Variants in PSD3 observed in about 807,000 individuals in gnomAD.
PSD3 encodes pleckstrin and Sec7 domain containing 3, also known as PH and SEC7 domain-containing protein 3.
PSD3 carries 49 observed loss-of-function variants against 105.5 expected under a neutral mutation model. The observed-to-expected ratio is 0.46, with a 90% CI of 0.37 to 0.59. The LOEUF is 0.59. Among genes scored for constraint, PSD3 ranks in the 20% least tolerant of loss-of-function variants. The pLI, the probability that PSD3 is intolerant of heterozygous loss-of-function variation, is 0.00. For synonymous variants in PSD3, 557 were observed against 457.8 expected (o/e 1.22, Z -2.77); for missense variants, 1,561 against 1,263.8 (o/e 1.24, Z -3.57).
At chr8:18,661,199 C>G (rs886139658) in intron 9 of PSD3, among the ~76,000 whole-genome samples, 1 of 152,132 alleles carries the variant, frequency 6.6e-6, no homozygotes, top group Non-Finnish European at 1.5e-5. Context: ...GTTCCTGAAT[C>G]ATTATGAAAA....
rs990630703 is a variant in PSD3 at position 18,890,812 on chromosome 8, G to C, written c.131-18079C>G. Among the ~76,000 whole-genome samples, 6 of 152,082 alleles carry C rather than the reference G, an allele frequency of 3.9e-5. No individual in the cohort carries two copies. In the East Asian group the frequency reaches 1.2e-3, roughly 30 times the overall value. ...TCCCTGTGCTGCAAACTGCACTGGG[G>C]GTAAGGGTGGGGGAGGGGGAACAAA... is the stretch of plus-strand genomic sequence containing the variant. On this transcript the variant is annotated intron_variant, in intron 2 of 15. Transcript: ENST00000327040.
At chr8:18,769,185 T>C (rs1212792171) in intron 8 of PSD3, among the ~76,000 whole-genome samples, 3 of 152,218 alleles carry the variant, frequency 2.0e-5, no homozygotes, top group Admixed American at 6.5e-5. Flanking sequence ...GAATAAATAA[T>C]GACTAGGTAA....
intron 4 of PSD3, among the ~76,000 whole-genome samples, chr8:18,808,272 T>G (rs932646479): frequency 2.8e-4 from 42 of 152,230 alleles, no homozygotes; most frequent in African/African-American, 1.0e-3. Flanking sequence ...GATTTTCTTC[T>G]TAATTAAACC....
chr8:18,759,981 T>C (rs573700869), intron 9 of PSD3, among the ~76,000 whole-genome samples: 18 of 113,066 alleles, frequency 1.6e-4, no homozygotes, highest in Non-Finnish European at 2.9e-4. Flanking sequence ...CGATAGAAGA[T>C]AGAAACGCAG....
At chr8:18,653,496 T>C (rs1422418663) in intron 10 of PSD3, among the ~76,000 whole-genome samples, 1 of 152,190 alleles carries the variant, frequency 6.6e-6, no homozygotes, top group Admixed American at 6.5e-5. Context: ...GACTCAATAT[T>C]TGCTCAGTCT....
chr8:18,829,107 C>T (rs1813465326), intron 4 of PSD3, among the ~76,000 whole-genome samples: 1 of 151,872 alleles, frequency 6.6e-6, no homozygotes, highest in South Asian at 2.1e-4. Context: ...ATTAGTTGGG[C>T]ATGGTGGCAT....
At chr8:18,925,940 T>TA (rs1821333597) in intron 2 of PSD3, among the ~76,000 whole-genome samples, 1 of 152,182 alleles carries the variant, frequency 6.6e-6, no homozygotes, top group Admixed American at 6.5e-5. Context: ...TAACCTCATT[T>TA]TAGAAATGAT....
In PSD3 at chr8:18,773,671, T is replaced by A. The variant is rs529877863; in HGVS notation, c.2083-8133A>T. Among the ~76,000 whole-genome samples, 289 of 152,336 alleles carry A rather than the reference T, an allele frequency of 1.9e-3. 2 individuals carry two copies. The highest frequency in any genetic ancestry group is 6.6e-3 in the African/African-American group (273 of 41,582). On this transcript the variant is annotated intron_variant, in intron 8 of 15. Coordinates refer to ENST00000327040, the MANE Select transcript of PSD3 (RefSeq NM_015310.4). ...CAGCATGGTTTGATAAGTTTTGAAA[T>A]GGAGAAATCAGGAGTCCTCCAATTT... is the stretch of plus-strand genomic sequence containing the variant.
At chr8:19,015,211 G>A (rs1297371620), upstream of PSD3, among the ~76,000 whole-genome samples, 1 of 152,194 alleles carries the variant, frequency 6.6e-6, no homozygotes, top group African/African-American at 2.4e-5. Context: ...GGGAGCGCTT[G>A]TTGCACAAGC....
At chr8:18,651,262 C>T (rs1808455691) in intron 10 of PSD3, among the ~76,000 whole-genome samples, 1 of 152,158 alleles carries the variant, frequency 6.6e-6, no homozygotes, top group South Asian at 2.1e-4. Flanking sequence ...AGTCAGAAAA[C>T]CAATGATATA....
At chr8:18,906,948 A>G (rs922728383) in intron 2 of PSD3, among the ~76,000 whole-genome samples, 10 of 152,208 alleles carry the variant, frequency 6.6e-5, no homozygotes, top group African/African-American at 2.4e-4. Flanking sequence ...TTCATTTTCA[A>G]CAGAAAGCTT....
Position 18,624,213 on chromosome 8 carries a change from C to A in PSD3, c.2410+8400G>T, listed in dbSNP as rs536346024. 2.0e-5 allele frequency among the ~76,000 whole-genome samples: 3 copies of A among 152,234 alleles called. No homozygotes were observed. The East Asian group carries it at 5.8e-4, about 29-fold the overall frequency. ...GCTTTCTGAAGTACAAATGATACCA[C>A]TAATACTTTTGCAGGGTAGAAGAGG... On this transcript the variant is annotated intron_variant, in intron 11 of 15. Coordinates refer to ENST00000327040, the MANE Select transcript of PSD3 (RefSeq NM_015310.4).
chr8:18,546,770 C>T (rs1464685737), intron 15 of PSD3, among the ~76,000 whole-genome samples: 1 of 152,152 alleles, frequency 6.6e-6, no homozygotes, highest in Non-Finnish European at 1.5e-5. Flanking sequence ...ACCTTTTGAT[C>T]AACATCTACT....
chr8:18,973,759 T>C (rs12548880), intron 1 of PSD3, among the ~76,000 whole-genome samples: 30,627 of 152,084 alleles, frequency 0.2, 3,293 homozygotes, highest in African/African-American at 0.29. Context: ...GAAGTGGGAG[T>C]ATTAGAGTTG....
chr8:18,657,816 C>T (rs1181658914), intron 9 of PSD3, among the ~76,000 whole-genome samples: 3 of 152,186 alleles, frequency 2.0e-5, no homozygotes, highest in Non-Finnish European at 4.4e-5. Flanking sequence ...TCTTTAGATG[C>T]TACTATCATA....
chr8:18,923,233 T>C (rs536597029), intron 2 of PSD3, among the ~76,000 whole-genome samples: 5 of 152,280 alleles, frequency 3.3e-5, no homozygotes, highest in East Asian at 1.9e-4. Context: ...AGTTTAAAAA[T>C]TTGTGTTGTG....
At chr8:18,953,741 C>A (rs1325150780) in intron 1 of PSD3, among the ~76,000 whole-genome samples, 2 of 148,966 alleles carry the variant, frequency 1.3e-5, no homozygotes, top group African/African-American at 5.0e-5. Context: ...AGCAAGACTC[C>A]ATCTCAAAAA....
At chr8:18,673,826 T>A (rs1799922775) in intron 9 of PSD3, among the ~76,000 whole-genome samples, 1 of 152,072 alleles carries the variant, frequency 6.6e-6, no homozygotes, top group South Asian at 2.1e-4. Flanking sequence ...ATTAAACTTA[T>A]CAGAGAGAAA....
chr8:18,722,905 G>A (rs1020663827), intron 9 of PSD3, among the ~76,000 whole-genome samples: 17 of 152,118 alleles, frequency 1.1e-4, no homozygotes, highest in Admixed American at 7.2e-4. Flanking sequence ...ACCCCACAAT[G>A]AGCAACAATT....
Sources: gnomAD v4.1 joint callset for allele counts (sites outside exome capture counted in the v4.1 genomes callset) on GRCh38, gnomAD v4.1.1 for gene constraint, MANE v1.5 for transcripts, NCBI Gene and HGNC (gene_info 2026-07-23, HGNC 2026-07-21) for gene names.